The following SLC9C1 variants were observed in gnomAD, a reference collection of about 807,000 sequenced individuals.
The protein encoded by SLC9C1 is solute carrier family 9 member C1.
In SLC9C1, 97 loss-of-function variants were observed where a neutral mutation model predicts 140.9. The observed-to-expected ratio is 0.69, with a 90% CI of 0.58 to 0.82. SLC9C1 has a LOEUF of 0.82. Among genes scored for constraint, SLC9C1 ranks in the 40% least tolerant of loss-of-function variants. The probability of loss-of-function intolerance (pLI) is 0.00; values close to 1 mark genes in which losing one functional copy is unlikely to be tolerated. For synonymous variants in SLC9C1, 440 were observed against 442.6 expected (o/e 0.99, Z 0.07); for missense variants, 1,340 against 1,389.3 (o/e 0.96, Z 0.56).
intron 12 of SLC9C1, among the ~76,000 whole-genome samples, chr3:112,235,046 G>A (rs1483129994): frequency 4.0e-5 from 6 of 151,114 alleles, no homozygotes; most frequent in Non-Finnish European, 5.9e-5. Flanking sequence ...GGATGGCATT[G>A]AATCTATAAA....
At position 112,221,433 on chromosome 3, in the gene SLC9C1, A is replaced by G. The variant is rs143175838; in HGVS notation, c.1573-208T>C. Among the ~76,000 whole-genome samples, 123 of 152,302 alleles carry G rather than the reference A, an allele frequency of 8.1e-4. 1 individual carries two copies. The East Asian group carries it at 0.021, about 26-fold the overall frequency. On this transcript the variant is annotated intron_variant, in intron 13 of 28. Transcript: ENST00000305815. ...TGGAGCCACACTGGTTCTGAAGGAA[A>G]CTAGAGCTCTTCTAGACATGGAATT...
At chr3:112,274,543 G>A (rs1172399457) in intron 6 of SLC9C1, among the ~76,000 whole-genome samples, 4 of 151,994 alleles carry the variant, frequency 2.6e-5, no homozygotes, top group Admixed American at 1.3e-4. Context: ...AAGAGAAGCC[G>A]CCTCCTCTCA....
intron 8 of SLC9C1, among the ~76,000 whole-genome samples, chr3:112,265,900 T>A (rs546382610): frequency 8.6e-4 from 131 of 152,248 alleles, no homozygotes; most frequent in African/African-American, 2.9e-3. Context: ...TGCATTAAAA[T>A]ATTAAAATAT....
At chr3:112,145,216 A>G (rs988636161) in intron 28 of SLC9C1, among the ~76,000 whole-genome samples, 5 of 152,200 alleles carry the variant, frequency 3.3e-5, no homozygotes, top group African/African-American at 1.2e-4. Flanking sequence ...GGAGATGATC[A>G]TATGGTTTTG....
At chr3:112,263,796 GA>G (rs904017999) in intron 9 of SLC9C1, among the ~76,000 whole-genome samples, 1 of 151,508 alleles carries the variant, frequency 6.6e-6, no homozygotes, top group Non-Finnish European at 1.5e-5. Context: ...AATGATTTGA[GA>G]AAAAAAGATG....
In SLC9C1 at chr3:112,195,076, G is replaced by A. The variant is rs545934329; in HGVS notation, c.2523+4245C>T. 5.3e-5 allele frequency among the ~76,000 whole-genome samples: 8 copies of A among 151,994 alleles called. No individual in the cohort carries two copies. In the South Asian group the frequency reaches 1.2e-3, roughly 24 times the overall value. On this transcript the variant is annotated intron_variant, in intron 20 of 28. Transcript: ENST00000305815. ...AATATTTCCTCTCATTCTTTGGGTC[G>A]TTTTACTCTGTAATAGTGGTTTTTG...
chr3:112,266,407 A>C, intron 7 of SLC9C1, 67 bp from the exon 8 acceptor site: 2 of 1,219,740 alleles, frequency 1.6e-6, no homozygotes, highest in South Asian at 2.9e-5. Flanking sequence ...ATTTTACCCG[A>C]GTTAAAAGTA....
chr3:112,218,070 G>A (rs1480525485), intron 14 of SLC9C1, among the ~76,000 whole-genome samples: 1 of 151,974 alleles, frequency 6.6e-6, no homozygotes, highest in East Asian at 1.9e-4. Flanking sequence ...GGTTTAGAAT[G>A]ACTAAAAATG....
intron 11 of SLC9C1, among the ~76,000 whole-genome samples, chr3:112,243,752 G>A (rs1160692468): frequency 1.3e-5 from 2 of 151,294 alleles, no homozygotes; most frequent in African/African-American, 4.9e-5. Context: ...GTGCAGTGGT[G>A]TGATCTTGCC....
At chr3:112,288,928 T>A (rs1219198265) in intron 1 of SLC9C1, among the ~76,000 whole-genome samples, 1 of 152,116 alleles carries the variant, frequency 6.6e-6, no homozygotes, top group Non-Finnish European at 1.5e-5. Context: ...TATTTATTAT[T>A]TTTTGGAATT....
intron 12 of SLC9C1, among the ~76,000 whole-genome samples, chr3:112,234,392 C>G (rs76606117): frequency 1.3e-5 from 2 of 151,790 alleles, no homozygotes; most frequent in African/African-American, 4.8e-5. Context: ...TTGTCAGATG[C>G]GTAGATTGCA....
At chr3:112,217,171 CATG>C (rs1321168543) in intron 15 of SLC9C1, among the ~76,000 whole-genome samples, 1 of 151,900 alleles carries the variant, frequency 6.6e-6, no homozygotes, top group Non-Finnish European at 1.5e-5. Context: ...CACTTGGACA[CATG>C]GTGGGGAACA....
At chr3:112,251,780 T>C (rs1025812108) in intron 10 of SLC9C1, among the ~76,000 whole-genome samples, 4 of 151,812 alleles carry the variant, frequency 2.6e-5, no homozygotes. Context: ...GCTTGCTTTT[T>C]TACACAGGTC....
rs2080118835 is a variant in SLC9C1 at position 112,273,061 on chromosome 3, T to C, written c.613+1836A>G. ...TCTTAAATAAAGCCTGGTAGAACAC[T>C]GAACCAGGTTTAGTAGGTGAACACG... is the stretch of plus-strand genomic sequence containing the variant. On this transcript the variant is annotated intron_variant, in intron 6 of 28. Coordinates refer to ENST00000305815, the MANE Select transcript of SLC9C1 (RefSeq NM_183061.3). 2.6e-5 allele frequency among the ~76,000 whole-genome samples: 4 copies of C among 152,280 alleles called. No homozygotes were observed. The South Asian group carries it at 8.3e-4, about 32-fold the overall frequency.
At chr3:112,272,976 A>G (rs2080116774) in intron 6 of SLC9C1, among the ~76,000 whole-genome samples, 1 of 152,106 alleles carries the variant, frequency 6.6e-6, no homozygotes, top group Admixed American at 6.6e-5. Flanking sequence ...TCCCCTGATT[A>G]GCCTGCAGAT....
chr3:112,237,549 C>A (rs532457490), intron 12 of SLC9C1, among the ~76,000 whole-genome samples: 100 of 152,260 alleles, frequency 6.6e-4, no homozygotes, highest in African/African-American at 2.2e-3. Context: ...TTCTTCCTAG[C>A]ATCGATGGTC....
At chr3:112,251,635 C>A (rs1394090138) in intron 10 of SLC9C1, among the ~76,000 whole-genome samples, 1 of 152,188 alleles carries the variant, frequency 6.6e-6, no homozygotes, top group Non-Finnish European at 1.5e-5. Flanking sequence ...CTTGAAACTT[C>A]AGTCATCCAC....
chr3:112,187,685 A>G (rs1179827539), intron 20 of SLC9C1, among the ~76,000 whole-genome samples: 1 of 152,222 alleles, frequency 6.6e-6, no homozygotes, highest in East Asian at 1.9e-4. Flanking sequence ...AAAAGTTTCA[A>G]GCATGATGAA....
intron 23 of SLC9C1, among the ~76,000 whole-genome samples, chr3:112,172,295 A>T (rs2077261331): frequency 6.6e-6 from 1 of 152,042 alleles, no homozygotes; most frequent in Non-Finnish European, 1.5e-5. Flanking sequence ...CACGTATTTC[A>T]TTAACTTTAT....
Sources: allele counts gnomAD v4.1 joint callset (sites outside exome capture counted in the v4.1 genomes callset), GRCh38; gene constraint gnomAD v4.1.1; transcripts MANE v1.5; gene names NCBI Gene and HGNC (gene_info 2026-07-23, HGNC 2026-07-21).